LAMC1: variants seen among roughly 807,000 people sequenced by gnomAD.
LAMC1 encodes laminin subunit gamma-1.
LAMC1 carries 38 observed loss-of-function variants against 173.6 expected under a neutral mutation model. The observed-to-expected ratio is 0.22, with a 90% CI of 0.17 to 0.29. LAMC1 has a LOEUF of 0.29. Among genes scored for constraint, LAMC1 ranks in the 10% least tolerant of loss-of-function variants. The pLI, the probability that LAMC1 is intolerant of heterozygous loss-of-function variation, is 1.00. For missense variants in LAMC1, 1,824 were observed against 2,051.8 expected, an observed-to-expected ratio of 0.89 and a Z score of 2.14; for synonymous variants, 746 against 749.1, an observed-to-expected ratio of 1.00 and a Z score of 0.07.
chr1:183,051,123 G>A (rs1483029197), intron 1 of LAMC1, among the ~76,000 whole-genome samples: 1 of 152,228 alleles, frequency 6.6e-6, no homozygotes, highest in East Asian at 1.9e-4. Context: ...GATTTTGATT[G>A]TTATGATGGA....
intron 1 of LAMC1, among the ~76,000 whole-genome samples, chr1:183,045,617 G>C (rs941906947): frequency 2.0e-5 from 3 of 151,920 alleles, no homozygotes; most frequent in Non-Finnish European, 2.9e-5. Flanking sequence ...GTTGTTTTAC[G>C]AATAGAACGC....
At chr1:183,139,858 A>G (rs557748090) in intron 26 of LAMC1, among the ~76,000 whole-genome samples, 3 of 152,284 alleles carry the variant, frequency 2.0e-5, no homozygotes, top group Admixed American at 1.3e-4. Context: ...ATAAATGAGT[A>G]TGTGTGTCAG....
intron 3 of LAMC1, among the ~76,000 whole-genome samples, chr1:183,110,236 T>C (rs1383779457): frequency 1.3e-5 from 2 of 152,198 alleles, no homozygotes; most frequent in Non-Finnish European, 2.9e-5. Context: ...GAATTGATCC[T>C]ACAGGTAGCC....
chr1:183,046,005 T>C (rs1034570958), intron 1 of LAMC1, among the ~76,000 whole-genome samples: 1 of 152,096 alleles, frequency 6.6e-6, no homozygotes, highest in Non-Finnish European at 1.5e-5. Flanking sequence ...TAATCCTTTG[T>C]CAGTTATGTG....
intron 6 of LAMC1, 94 bp downstream of exon 6, chr1:183,115,731 C>A (rs1571450242): frequency 1.1e-6 from 1 of 870,902 alleles, no homozygotes; most frequent in Non-Finnish European, 1.9e-6. Flanking sequence ...GCAGGGTAAA[C>A]ATTTTTCCTG....
Position 183,134,765 on chromosome 1 carries a change from C to A in LAMC1, c.3955C>A (p.Leu1319Ile), listed in dbSNP as rs2102108796. 1.9e-6 allele frequency: 3 copies of A among 1,613,776 alleles called. No homozygotes were observed. The East Asian group carries it at 6.7e-5, about 36-fold the overall frequency. Residue 1319 changes from leucine to isoleucine, a missense_variant, in exon 23 of 28, where the codon CTT (leucine) becomes ATT (isoleucine). By Grantham distance (5) the Leu-to-Ile change is conservative. Coordinates refer to ENST00000258341, the MANE Select transcript of LAMC1 (RefSeq NM_002293.4). ...CAGAGAAGATATGAGAGGGAAGGAA[C>A]TTGAAGTCAAGAACCTTCTGGAGAA... is the stretch of plus-strand genomic sequence containing the variant. ...DLREDMRGKE[L>I]EVKNLLEKGK...
intron 1 of LAMC1, among the ~76,000 whole-genome samples, chr1:183,026,082 CA>C (rs1653678949): frequency 1.3e-5 from 2 of 152,204 alleles, no homozygotes; most frequent in Middle Eastern, 3.2e-3. Context: ...TTACCTCTAA[CA>C]TCACTTTTTA....
At chr1:183,075,910 T>C (rs182192953) in intron 1 of LAMC1, among the ~76,000 whole-genome samples, 2 of 152,328 alleles carry the variant, frequency 1.3e-5, no homozygotes, top group Non-Finnish European at 2.9e-5. Context: ...GTATTTGAAA[T>C]GTTTGGTTTG....
In LAMC1 at chr1:183,131,259, A is replaced by G. The variant is rs772552138; in HGVS notation, c.3487-40A>G. ...ACTCTTGCTTTATTAAATGTAAATAATTCAGTCCTTTGAGAATAAGTGCTT... is the reference window on the plus strand; with the variant it reads ...ACTCTTGCTTTATTAAATGTAAATAGTTCAGTCCTTTGAGAATAAGTGCTT... On this transcript the variant is annotated intron_variant, in intron 19 of 27. Transcript: ENST00000258341. 98 of 1,502,750 alleles carry G rather than the reference A, an allele frequency of 6.5e-5. 2 individuals carry two copies. In the South Asian group the frequency reaches 9.5e-4, roughly 15 times the overall value. 93.1% of individuals were successfully genotyped at this position (1,502,750 alleles called of 1,614,324 possible). A position where few individuals can be genotyped will look rare whatever the true frequency, so the allele number is the denominator to read the frequency against.
intron 4 of LAMC1, 53 bp downstream of exon 4, chr1:183,110,707 G>A (rs1656124785): frequency 1.3e-5 from 20 of 1,552,436 alleles, no homozygotes; most frequent in Non-Finnish European, 1.8e-5. Context: ...TTCCAAGGGT[G>A]GAAGAAGGAA....
chr1:183,038,918 A>G (rs1342532899), intron 1 of LAMC1, among the ~76,000 whole-genome samples: 1 of 141,540 alleles, frequency 7.1e-6, no homozygotes, highest in Non-Finnish European at 1.6e-5. Flanking sequence ...TTGGAGTTGA[A>G]AATTTAAGCT....
chr1:183,118,439 T>C (rs1656381563), intron 11 of LAMC1, among the ~76,000 whole-genome samples: 1 of 152,186 alleles, frequency 6.6e-6, no homozygotes, highest in Non-Finnish European at 1.5e-5. Context: ...AACCTAATTA[T>C]AGGCTAGGCG....
At chr1:183,101,515 T>C (rs934980808) in intron 1 of LAMC1, among the ~76,000 whole-genome samples, 2 of 151,776 alleles carry the variant, frequency 1.3e-5, no homozygotes, top group Non-Finnish European at 2.9e-5. Flanking sequence ...GGTCCTTTTA[T>C]GTGAACGTAT....
At chr1:183,079,381 A>G (rs774538034) in intron 1 of LAMC1, among the ~76,000 whole-genome samples, 4 of 151,088 alleles carry the variant, frequency 2.6e-5, no homozygotes, top group East Asian at 2.0e-4. Flanking sequence ...CAGCCTCCCA[A>G]GTAGCTGGGA....
chr1:183,115,142 A>G (rs761813591), intron 5 of LAMC1, among the ~76,000 whole-genome samples: 3 of 152,162 alleles, frequency 2.0e-5, no homozygotes, highest in Non-Finnish European at 4.4e-5. Context: ...ATTCTTCAAG[A>G]GTTTAACCTT....
intron 1 of LAMC1, among the ~76,000 whole-genome samples, chr1:183,047,177 A>G (rs1248393913): frequency 6.6e-6 from 1 of 152,132 alleles, no homozygotes; most frequent in Admixed American, 6.5e-5. Flanking sequence ...ATACTGTTTG[A>G]TGCAATAAGT....
intron 1 of LAMC1, among the ~76,000 whole-genome samples, chr1:183,060,145 T>C (rs548706429): frequency 6.6e-6 from 1 of 152,190 alleles, no homozygotes; most frequent in African/African-American, 2.4e-5. Context: ...GAAATCACCC[T>C]TGGCCCCTCA....
intron 1 of LAMC1, among the ~76,000 whole-genome samples, chr1:183,024,341 G>T (rs1353060590): frequency 6.9e-6 from 1 of 145,544 alleles, no homozygotes; most frequent in African/African-American, 2.6e-5. Context: ...TGTTCCGCAC[G>T]AGTCTCTCTG....
chr1:183,088,845 A>G (rs191575101), intron 1 of LAMC1, among the ~76,000 whole-genome samples: 199 of 152,314 alleles, frequency 1.3e-3, no homozygotes, highest in Non-Finnish European at 3.2e-4. Context: ...CATATGGATA[A>G]TAGGGATGGC....
Sources: gnomAD v4.1 joint callset for allele counts (sites outside exome capture counted in the v4.1 genomes callset) on GRCh38, gnomAD v4.1.1 for gene constraint, MANE v1.5 for transcripts, NCBI Gene and HGNC (gene_info 2026-07-23, HGNC 2026-07-21) for gene names.